Variants in MYH11 observed in about 807,000 individuals in gnomAD.
MYH11 encodes the protein myosin heavy chain 11, also known as myosin-11.
Under a neutral mutation model 246.6 loss-of-function variants are expected in MYH11, and 80 were observed. The ratio of observed to expected loss-of-function variants is 0.32; its 90% CI spans 0.27 to 0.39. The LOEUF (loss-of-function observed/expected upper bound fraction) is 0.39, where lower values mean the gene tolerates loss of function less well. Among genes scored for constraint, MYH11 ranks in the 10% least tolerant of loss-of-function variants. MYH11 has a pLI of 1.00. For missense variants in MYH11, 2,158 were observed against 2,546.8 expected (o/e 0.85, Z 3.29); for synonymous variants, 1,071 against 1,015.5 (o/e 1.05, Z -1.04).
At chr16:15,757,438 G>A (rs960138049) in intron 13 of MYH11, among the ~76,000 whole-genome samples, 1 of 149,474 alleles carries the variant, frequency 6.7e-6, no homozygotes, top group Non-Finnish European at 1.5e-5. Flanking sequence ...GAGGCAGGGA[G>A]GTGGAGGTTG....
At chr16:15,831,087 G>T (rs1313017725) in intron 2 of MYH11, among the ~76,000 whole-genome samples, 1 of 152,160 alleles carries the variant, frequency 6.6e-6, no homozygotes, top group East Asian at 1.9e-4. Context: ...GAGGAGAATT[G>T]CTTGAACCTG....
chr16:15,717,071 G>T, intron 38 of MYH11, 69 bp downstream of exon 38: 1 of 1,526,402 alleles, frequency 6.6e-7, no homozygotes, highest in Non-Finnish European at 9.1e-7. Context: ...GAGGTTCCCT[G>T]ACTTCACTAT....
chr16:15,748,279 C>A (rs1450725750), intron 16 of MYH11, 111 bp from the exon 17 acceptor site: 3 of 1,545,480 alleles, frequency 1.9e-6, no homozygotes, highest in South Asian at 2.3e-5. Flanking sequence ...AGGGTACCAA[C>A]AGAAGCACCC....
intron 34 of MYH11, 35 bp from the exon 35 acceptor site, chr16:15,719,748 TC>T: frequency 6.2e-7 from 1 of 1,613,644 alleles, no homozygotes; most frequent in Non-Finnish European, 8.5e-7. Flanking sequence ...AGCTCAGATG[TC>T]CTTACTCCCC....
chr16:15,790,425 T>C lies in MYH11; in HGVS notation c.531-3693A>G, dbSNP rs577233549. Among the ~76,000 whole-genome samples, 234 of 152,214 alleles carry C rather than the reference T, an allele frequency of 1.5e-3. 1 individual carries two copies. The highest frequency in any genetic ancestry group is 5.4e-3 in the African/African-American group (225 of 41,530). On this transcript the variant is annotated intron_variant, in intron 4 of 40. Transcript: ENST00000300036. ...GGGATGGGGAGTGGGACATAAACTC[T>C]GGGCATCTACCCCTTCCCATGTTGC...
At chr16:15,747,485 C>A in intron 19 of MYH11, 85 bp downstream of exon 19, 1 of 1,516,322 alleles carries the variant, frequency 6.6e-7, no homozygotes, top group Non-Finnish European at 9.1e-7. Flanking sequence ...AAACAGGTGG[C>A]CTCTTAGAAT....
chr16:15,705,165 A>T (rs1286906949), intron 40 of MYH11, among the ~76,000 whole-genome samples: 1 of 151,922 alleles, frequency 6.6e-6, no homozygotes, highest in Non-Finnish European at 1.5e-5. Context: ...TATTTTTAGC[A>T]GAGATGGGAT....
At chr16:15,776,902 G>C (rs899161320) in intron 7 of MYH11, among the ~76,000 whole-genome samples, 1 of 152,150 alleles carries the variant, frequency 6.6e-6, no homozygotes, top group African/African-American at 2.4e-5. Context: ...AGGGCAGCTG[G>C]GAGGCTGGGC....
chr16:15,813,492 G>C lies in MYH11; in HGVS notation c.502+9763C>G, dbSNP rs577051966. On this transcript the variant is annotated intron_variant, in intron 3 of 40. Transcript: ENST00000300036. The stretch of plus-strand genomic sequence containing the variant: ...CTGGTCCTGTCCACCTTGTAGGTTT[G>C]TGGTAAAGATTAACTGAGAATATTT... 1.6e-4 allele frequency among the ~76,000 whole-genome samples: 24 copies of C among 152,184 alleles called. No homozygotes were observed. In the East Asian group the frequency reaches 2.9e-3, roughly 18 times the overall value.
Position 15,721,468 on chromosome 16 carries a change from G to A in MYH11, c.4532C>T (p.Ala1511Val), listed in dbSNP as rs1168631155. ...GGAGCTGACCAGGTCTTCCATTTCGGCTTTGAGCATTTTGTTGGTCCGCTC... is the reference window on the plus strand; with the variant it reads ...GGAGCTGACCAGGTCTTCCATTTCGACTTTGAGCATTTTGTTGGTCCGCTC... ...ELERTNKMLK[A>V]EMEDLVSSKD... Residue 1511 changes from alanine (A) to valine (V), a missense_variant, in exon 32 of 41, where the codon GCC becomes GTC. Coordinates refer to ENST00000300036, the MANE Select transcript of MYH11 (RefSeq NM_002474.3). 1 of 1,614,138 alleles carries A rather than the reference G, an allele frequency of 6.2e-7. No homozygotes were observed. Among genetic ancestry groups the A allele is most frequent in the Non-Finnish European group, 8.5e-7 (1 of 1,180,032 alleles).
At chr16:15,852,214 C>A (rs1196332290) in intron 1 of MYH11, among the ~76,000 whole-genome samples, 1 of 152,124 alleles carries the variant, frequency 6.6e-6, no homozygotes, top group African/African-American at 2.4e-5. Context: ...CAGTTTCATC[C>A]CAAAACCATC....
chr16:15,820,328 G>C (rs928494883), intron 3 of MYH11, among the ~76,000 whole-genome samples: 2 of 152,114 alleles, frequency 1.3e-5, no homozygotes, highest in African/African-American at 4.8e-5. Flanking sequence ...TACAAAATTA[G>C]CCGGGTGTGG....
chr16:15,784,899 TCA>T (rs976762150), intron 5 of MYH11: 1 of 660,810 alleles, frequency 1.5e-6, no homozygotes, highest in African/African-American at 1.8e-5. Context: ...AGGAATACGA[TCA>T]CAGCTCACTG....
At chr16:15,759,196 C>CTTTTTT (rs10593456) in intron 12 of MYH11, among the ~76,000 whole-genome samples, 2 of 119,422 alleles carry the variant, frequency 1.7e-5, no homozygotes, top group African/African-American at 6.3e-5. Context: ...GAGATATGTG[C>CTTTTTT]TTTTTTTTTT....
intron 10 of MYH11, among the ~76,000 whole-genome samples, chr16:15,761,246 CA>C (rs2041861161): frequency 2.0e-5 from 3 of 151,784 alleles, no homozygotes; most frequent in Non-Finnish European, 4.4e-5. Flanking sequence ...GAGTAGCTGG[CA>C]TTATAGGTGC....
intron 3 of MYH11, among the ~76,000 whole-genome samples, chr16:15,801,095 A>C (rs1018178153): frequency 6.6e-6 from 1 of 152,022 alleles, no homozygotes; most frequent in Non-Finnish European, 1.5e-5. Flanking sequence ...AATCCCAGCT[A>C]CTCAGAAGGC....
intron 20 of MYH11, 33 bp from the exon 21 acceptor site, chr16:15,741,924 T>C (rs771659290): frequency 6.2e-7 from 1 of 1,613,936 alleles, no homozygotes; most frequent in South Asian, 1.1e-5. Context: ...TCATTTGTTT[T>C]TGTGGCAAAG....
intron 1 of MYH11, among the ~76,000 whole-genome samples, chr16:15,839,352 C>T (rs906245628): frequency 3.9e-5 from 6 of 152,160 alleles, no homozygotes; most frequent in Admixed American, 6.6e-5. Flanking sequence ...TCCTTCAATA[C>T]GAAAAACTAT....
At chr16:15,771,459 A>C in intron 9 of MYH11, 110 bp downstream of exon 9, 1 of 999,168 alleles carries the variant, frequency 1.0e-6, no homozygotes, top group Non-Finnish European at 1.4e-6. Context: ...TTTTTAATGG[A>C]AGGTGGGGAA....
Sources: gnomAD v4.1 joint callset for allele counts (sites outside exome capture counted in the v4.1 genomes callset) on GRCh38, gnomAD v4.1.1 for gene constraint, MANE v1.5 for transcripts, NCBI Gene and HGNC (gene_info 2026-07-23, HGNC 2026-07-21) for gene names.